The following MLPH variants were observed in gnomAD, a reference collection of about 807,000 sequenced individuals.
MLPH encodes the protein exophilin-3.
MLPH carries 51 observed loss-of-function variants against 72.1 expected under a neutral mutation model. The observed-to-expected ratio is 0.71, with a 90% confidence interval of 0.56 to 0.89. The LOEUF is 0.89. Ranked by LOEUF, MLPH falls within the 40% of genes least tolerant of loss-of-function variation. MLPH has a pLI of 0.00. For synonymous variants in MLPH, 301 were observed against 310.1 expected (o/e 0.97, Z 0.31); for missense variants, 743 against 759.9 (o/e 0.98, Z 0.26).
chr2:237,546,782 A>ATGTCCTCACAGC, intron 13 of MLPH, 99 bp downstream of exon 13: 5 of 968,406 alleles, frequency 5.2e-6, no homozygotes, highest in Non-Finnish European at 8.4e-6. Flanking sequence ...CAGAGATGCA[A>ATGTCCTCACAGC]TGTCCTCACA....
chr2:237,524,649 AAT>A (rs2080262912), intron 6 of MLPH, among the ~76,000 whole-genome samples: 1 of 152,206 alleles, frequency 6.6e-6, no homozygotes, highest in Admixed American at 6.5e-5. Flanking sequence ...AGCCAGGAAC[AAT>A]ATTGCATCCC....
chr2:237,504,418 A>G (rs185219385), intron 2 of MLPH, among the ~76,000 whole-genome samples: 6 of 152,152 alleles, frequency 3.9e-5, no homozygotes, highest in Middle Eastern at 6.8e-3. Flanking sequence ...GGGATTCACC[A>G]TGTTGGCCAG....
At chr2:237,526,652 C>T (rs757935588) in intron 7 of MLPH, among the ~76,000 whole-genome samples, 6 of 152,198 alleles carry the variant, frequency 3.9e-5, no homozygotes, top group East Asian at 1.9e-4. Flanking sequence ...GAGAGGCCAT[C>T]GTGCTGGGAG....
intron 9 of MLPH, among the ~76,000 whole-genome samples, chr2:237,536,904 G>GCCTTTT (rs2080542923): frequency 1.3e-5 from 2 of 152,246 alleles, no homozygotes; most frequent in South Asian, 4.1e-4. Flanking sequence ...GGTACCTCCT[G>GCCTTTT]GCTTTGGCCT....
intron 4 of MLPH, among the ~76,000 whole-genome samples, chr2:237,516,720 C>G (rs538958020): frequency 4.6e-5 from 7 of 151,910 alleles, no homozygotes; most frequent in Non-Finnish European, 8.8e-5. Flanking sequence ...GAAAGGCCAG[C>G]AGAGAGCCTT....
chr2:237,538,401 G>C (rs1354663716), intron 9 of MLPH, among the ~76,000 whole-genome samples: 1 of 152,222 alleles, frequency 6.6e-6, no homozygotes, highest in Non-Finnish European at 1.5e-5. Flanking sequence ...GATGGGTCTT[G>C]GGGCTTCCTG....
intron 8 of MLPH, among the ~76,000 whole-genome samples, chr2:237,534,077 AG>A (rs1163377934): frequency 6.6e-6 from 1 of 152,212 alleles, no homozygotes; most frequent in African/African-American, 2.4e-5. Flanking sequence ...TGGTGACTCA[AG>A]GGATGAGGAA....
chr2:237,495,115 T>C (rs2079509420), intron 2 of MLPH, among the ~76,000 whole-genome samples: 1 of 152,172 alleles, frequency 6.6e-6, no homozygotes, highest in Non-Finnish European at 1.5e-5. Flanking sequence ...ACAATGTCTC[T>C]TTCTGCCACT....
chr2:237,497,844 C>A (rs1052575163), intron 2 of MLPH, among the ~76,000 whole-genome samples: 2 of 152,200 alleles, frequency 1.3e-5, no homozygotes, highest in African/African-American at 4.8e-5. Context: ...TCGGGGTCCT[C>A]ATGTCTGCTC....
intron 1 of MLPH, among the ~76,000 whole-genome samples, chr2:237,491,031 T>G (rs2106448984): frequency 6.6e-6 from 1 of 152,386 alleles, no homozygotes; most frequent in Non-Finnish European, 1.5e-5. Context: ...ATGACAGCTC[T>G]GTAGACATTT....
chr2:237,525,835 T>C (rs950800891), intron 7 of MLPH, 30 bp downstream of exon 7: 11 of 1,601,860 alleles, frequency 6.9e-6, no homozygotes, highest in Non-Finnish European at 9.3e-6. Context: ...GTCTTCCTGA[T>C]GGGCTCGGCA....
At chr2:237,526,334 T>A (rs2080303904) in intron 7 of MLPH, among the ~76,000 whole-genome samples, 1 of 152,184 alleles carries the variant, frequency 6.6e-6, no homozygotes, top group South Asian at 2.1e-4. Flanking sequence ...AGAGTTCAGA[T>A]GTCCCATCGG....
intron 9 of MLPH, among the ~76,000 whole-genome samples, chr2:237,535,347 T>C (rs1037524861): frequency 1.3e-5 from 2 of 151,862 alleles, no homozygotes; most frequent in Admixed American, 6.6e-5. Context: ...CTCTTGAAGG[T>C]CCCACCTCTC....
intron 1 of MLPH, among the ~76,000 whole-genome samples, chr2:237,491,159 G>A (rs1027291295): frequency 1.2e-4 from 18 of 152,088 alleles, no homozygotes; most frequent in Admixed American, 7.2e-4. Flanking sequence ...TATGATAAAC[G>A]CTTCCAAATG....
chr2:237,551,977 C>CAAAA, intron 14 of MLPH: 1 of 158,902 alleles, frequency 6.3e-6, no homozygotes, highest in East Asian at 1.8e-4. Flanking sequence ...GACTTTGTCT[C>CAAAA]AAAAAAAAAA....
Position 237,512,302 on chromosome 2 carries a change from C to T in MLPH, c.445+1201C>T, listed in dbSNP as rs1410510031. ...CACCTTTGAGCATTCAAGCTCTCGC[C>T]GGGCCTGCTGCAGGCATTTCAAGGC... On this transcript the variant is annotated intron_variant, in intron 4 of 15. Transcript: ENST00000264605. This position sits in a 1 kb window ranked among gnomAD's most constrained non-coding sequence, Gnocchi z 5.5. 3.3e-5 allele frequency among the ~76,000 whole-genome samples: 5 copies of T among 152,314 alleles called. 1 individual carries two copies. The South Asian group carries it at 6.2e-4, about 19-fold the overall frequency.
At chr2:237,542,733 TGG>T (rs1348893946) in intron 12 of MLPH, 74 bp downstream of exon 12, 1 of 555,740 alleles carries the variant, frequency 1.8e-6, no homozygotes, top group Non-Finnish European at 2.6e-6. Flanking sequence ...CAGTGGTGAG[TGG>T]GGGACAGTGG....
chr2:237,545,849 T>C (rs940573217), intron 12 of MLPH: 1 of 218,298 alleles, frequency 4.6e-6, no homozygotes, highest in East Asian at 1.4e-4. Context: ...ATGCAACATT[T>C]AGGACTTACA....
chr2:237,496,226 G>A (rs972985791), intron 2 of MLPH, among the ~76,000 whole-genome samples: 2 of 152,178 alleles, frequency 1.3e-5, no homozygotes, highest in East Asian at 1.9e-4. Context: ...GAGTATAGGC[G>A]AATGCAGAGA....
Sources: gnomAD v4.1 joint callset for allele counts (sites outside exome capture counted in the v4.1 genomes callset) on GRCh38, gnomAD v4.1.1 for gene constraint, Gnocchi (gnomAD v3.1) non-coding constraint, MANE v1.5 for transcripts, NCBI Gene and HGNC (gene_info 2026-07-23, HGNC 2026-07-21) for gene names.